Variants in LRRN3 observed in about 807,000 individuals in gnomAD.
LRRN3 encodes leucine-rich repeat neuronal protein 3.
In LRRN3, 15 loss-of-function variants were observed where a neutral mutation model predicts 40.1. That is an observed-to-expected ratio of 0.37 (90% confidence interval 0.25 to 0.58). LRRN3 has a LOEUF of 0.58. Ranked by LOEUF, LRRN3 falls within the 20% of genes least tolerant of loss-of-function variation. The pLI, the probability that LRRN3 is intolerant of heterozygous loss-of-function variation, is 0.72. For synonymous variants in LRRN3, 308 were observed against 297.2 expected (o/e 1.04, Z -0.37); for missense variants, 746 against 837.7 (o/e 0.89, Z 1.35).
Position 111,123,051 on chromosome 7 carries a change from C to G in LRRN3, c.279C>G (p.Asn93Lys). The G allele has an allele frequency of 6.2e-7, 1 of 1,613,780 alleles. No individual in the cohort carries two copies. The highest frequency in any genetic ancestry group is 8.5e-7 in the Non-Finnish European group (1 of 1,179,900). Reference sequence around the variant, plus strand: ...AATACTCCACAGACTTTCCAGTAAACCTTACTGGCCTGGATTTATCTCAAA... The same window carrying G: ...AATACTCCACAGACTTTCCAGTAAAGCTTACTGGCCTGGATTTATCTCAAA... ...KIEYSTDFPV[N>K]LTGLDLSQNN... Residue 93 changes from asparagine (N) to lysine (K), a missense_variant, in exon 3 of 3, where the codon AAC (asparagine) becomes AAG (lysine). Asn to Lys is a moderately conservative substitution (Grantham distance 94). Transcript: ENST00000308478. This position sits in a 1 kb window ranked among gnomAD's most constrained non-coding sequence, Gnocchi z 6.4.
At chr7:111,108,900 A>G (rs370041465) in intron 2 of LRRN3, among the ~76,000 whole-genome samples, 10 of 152,214 alleles carry the variant, frequency 6.6e-5, no homozygotes, top group African/African-American at 2.4e-4. Context: ...GTAGATATTT[A>G]TTGAACAACA....
At chr7:111,097,259 G>A (rs1253076889) in intron 1 of LRRN3, 3 of 151,940 alleles carry the variant, frequency 2.0e-5, no homozygotes, top group African/African-American at 7.2e-5. Context: ...AGGAACAGCA[G>A]AATGTGTTCT....
intron 2 of LRRN3, among the ~76,000 whole-genome samples, chr7:111,108,580 A>C (rs1798814863): frequency 6.6e-6 from 1 of 152,222 alleles, no homozygotes; most frequent in African/African-American, 2.4e-5. Flanking sequence ...TCGAGATATA[A>C]TGAGAGTAGA....
At chr7:111,102,289 C>CT (rs1307845513) in intron 2 of LRRN3, among the ~76,000 whole-genome samples, 9 of 151,180 alleles carry the variant, frequency 6.0e-5, no homozygotes, top group African/African-American at 1.5e-4. Context: ...TCAAATCATT[C>CT]TTTTTTTTAA....
At chr7:111,121,982 A>G (rs1179765343) in intron 2 of LRRN3, among the ~76,000 whole-genome samples, 3 of 151,764 alleles carry the variant, frequency 2.0e-5, no homozygotes, top group Non-Finnish European at 2.9e-5. Flanking sequence ...GCAAGGACAA[A>G]AAAACCAAAC....
At chr7:111,119,210 G>A (rs1309991788) in intron 2 of LRRN3, among the ~76,000 whole-genome samples, 1 of 152,182 alleles carries the variant, frequency 6.6e-6, no homozygotes, top group Non-Finnish European at 1.5e-5. Context: ...ATACAGAAAT[G>A]CAATTGGACT....
intron 1 of LRRN3, among the ~76,000 whole-genome samples, chr7:111,096,509 A>T (rs915395250): frequency 2.4e-4 from 1 of 4,224 alleles, no homozygotes; most frequent in African/African-American, 4.0e-4. Flanking sequence ...AGTTAAATTT[A>T]AAAAAAAAAA....
rs112835149 is a variant in LRRN3, at chr7:111,101,544, T to TA, written c.-359+1593dup. 8.3e-4 allele frequency among the ~76,000 whole-genome samples: 122 copies of TA among 147,220 alleles called. 1 individual carries two copies. The highest frequency in any genetic ancestry group is 3.6e-3 in the Middle Eastern group (1 of 278). ...TCTACCATTTTTGTTGTAGATTTAG[T>TA]AAAAAAAAAAATTACTTGAGACAAT... On this transcript the variant is annotated intron_variant, in intron 2 of 2. Transcript: ENST00000308478.
chr7:111,099,290 C>T (rs188794164), intron 1 of LRRN3, among the ~76,000 whole-genome samples: 69 of 151,742 alleles, frequency 4.5e-4, no homozygotes, highest in African/African-American at 1.5e-3. Context: ...TTTTTCCCCT[C>T]ATGCATTCTC....
Position 111,122,646 on chromosome 7 carries a change from T to G in LRRN3, c.-127T>G, listed in dbSNP as rs1166833358. 2.8e-6 allele frequency: 2 copies of G among 721,426 alleles called. No homozygotes were observed. The highest frequency in any genetic ancestry group is 5.4e-5 in the East Asian group (2 of 37,372). 44.7% of individuals were successfully genotyped at this position (721,426 alleles called of 1,614,324 possible). A position where few individuals can be genotyped will look rare whatever the true frequency, so the allele number is the denominator to read the frequency against. On this transcript the variant is annotated 5_prime_UTR_variant, in exon 3 of 3. Transcript: ENST00000308478. ...CTTATTTCAGTGAAGAAAAACTTTG[T>G]GGTTCTATGGCATTCATCATTTGAC...
intron 2 of LRRN3, among the ~76,000 whole-genome samples, chr7:111,107,921 G>T (rs910111815): frequency 5.3e-5 from 8 of 152,096 alleles, no homozygotes; most frequent in African/African-American, 1.9e-4. Flanking sequence ...CATAGATTTA[G>T]AGTTCTGCTG....
intron 2 of LRRN3, among the ~76,000 whole-genome samples, chr7:111,117,794 T>A (rs1800071539): frequency 6.6e-6 from 1 of 152,064 alleles, no homozygotes; most frequent in Non-Finnish European, 1.5e-5. Context: ...AAGGAAAAAC[T>A]GGGTTTTAAT....
At chr7:111,103,872 G>A (rs985065812) in intron 2 of LRRN3, among the ~76,000 whole-genome samples, 1 of 151,578 alleles carries the variant, frequency 6.6e-6, no homozygotes, top group Non-Finnish European at 1.5e-5. Context: ...GAAAGAACGA[G>A]AGTCCATGCC....
Position 111,124,749 on chromosome 7 carries a change from C to A in LRRN3, c.1977C>A (p.His659Gln). Reference protein sequence around the residue: ...LSPEMNCDGGHSYVRNYLQKP... With the variant: ...LSPEMNCDGGQSYVRNYLQKP... ...CAGAAATGAACTGTGATGGTGGACA[C>A]AGCTATGTGAGGAATTACTTACAGA... Residue 659 changes from histidine to glutamine, a missense_variant, in exon 3 of 3, where the codon CAC becomes CAA. By Grantham distance (24) the His-to-Gln change is conservative. Coordinates refer to ENST00000308478, the MANE Select transcript of LRRN3 (RefSeq NM_001099658.2). 3 of 1,613,814 alleles carry A rather than the reference C, an allele frequency of 1.9e-6. No homozygotes were observed. The highest frequency in any genetic ancestry group is 1.1e-5 in the South Asian group (1 of 91,066).
Position 111,124,260 on chromosome 7 carries a change from T to C in LRRN3, c.1488T>C (p.Cys496=), listed in dbSNP as rs749258211. Residue 496 remains cysteine, a synonymous_variant, in exon 3 of 3, where the codon TGT becomes TGC. Transcript: ENST00000308478. ...VTPKEGGLYT[C]IATNLVGADL... is the part of the protein sequence containing the mutation. ...CCAAAGAAGGGGGTTTATATACTTG[T>C]ATAGCAACTAACCTAGTTGGCGCTG... 6.2e-7 allele frequency: 1 copy of C among 1,613,906 alleles called. No individual in the cohort carries two copies.
At chr7:111,114,465 C>T (rs1799608154) in intron 2 of LRRN3, among the ~76,000 whole-genome samples, 1 of 152,060 alleles carries the variant, frequency 6.6e-6, no homozygotes, top group Admixed American at 6.6e-5. Context: ...TGGCTGGGCA[C>T]AGTGACCCAC....
rs761798162 is a variant in LRRN3, at chr7:111,123,463, G to A, written c.691G>A (p.Ala231Thr). Reference sequence around the variant, plus strand: ...AAACCTCACAGAAATACCAGATAACGCCTTGGTTGGACTGGAAAACTTAGA... The same window carrying A: ...AAACCTCACAGAAATACCAGATAACACCTTGGTTGGACTGGAAAACTTAGA... ...GINLTEIPDN[A>T]LVGLENLESI... is the part of the protein sequence containing the mutation. The change falls in exon 3 of 3, where the codon GCC becomes ACC. Residue 231 changes from alanine to threonine, a missense_variant. By Grantham distance (58) the Ala-to-Thr change is moderately conservative. Transcript: ENST00000308478. The surrounding 1 kb of genome is among the most constrained non-coding windows in gnomAD (Gnocchi z 6.4). 49 of 1,613,582 alleles carry A rather than the reference G, an allele frequency of 3.0e-5. No individual in the cohort carries two copies. Among genetic ancestry groups the A allele is most frequent in the Middle Eastern group, 1.6e-4 (1 of 6,078 alleles).
chr7:111,103,179 A>G (rs1368483712), intron 2 of LRRN3, among the ~76,000 whole-genome samples: 1 of 151,676 alleles, frequency 6.6e-6, no homozygotes, highest in Non-Finnish European at 1.5e-5. Context: ...ATCTCAAGAA[A>G]TAACAACTGC....
At position 111,125,002 on chromosome 7, in the gene LRRN3, TA is replaced by T. The variant is rs1562824987; in HGVS notation, c.*110del. ...CAAAACAAACAAACAAACAAAAAAG[TA>T]AAAAAAGATTACTTTCGAGAGAGAA... On this transcript the variant is annotated 3_prime_UTR_variant, in exon 3 of 3. Transcript: ENST00000308478. 1 of 835,462 alleles carries T rather than the reference TA, an allele frequency of 1.2e-6. No individual in the cohort carries two copies. The highest frequency in any genetic ancestry group is 1.8e-6 in the Non-Finnish European group (1 of 552,496). The allele number at this position is 835,462 out of a possible 1,614,324, so 51.8% of individuals were successfully genotyped here.
Sources: gnomAD v4.1 joint callset for allele counts (sites outside exome capture counted in the v4.1 genomes callset) on GRCh38, gnomAD v4.1.1 for gene constraint, Gnocchi (gnomAD v3.1) non-coding constraint, MANE v1.5 for transcripts, NCBI Gene and HGNC (gene_info 2026-07-23, HGNC 2026-07-21) for gene names.